SYT17: variants seen among roughly 807,000 people sequenced by gnomAD.
SYT17 encodes synaptotagmin-17.
Under a neutral mutation model 46.7 loss-of-function variants are expected in SYT17, and 22 were observed. That is an observed-to-expected ratio of 0.47 (90% confidence interval 0.34 to 0.67). The LOEUF (loss-of-function observed/expected upper bound fraction) is 0.67. SYT17 is among the 30% of genes least tolerant of loss of function. SYT17 has a pLI of 0.01. For missense variants in SYT17, 519 were observed against 612.8 expected (o/e 0.85, Z 1.62); for synonymous variants, 251 against 248.4 (o/e 1.01, Z -0.10).
chr16:19,221,087 G>A (rs897966117), intron 5 of SYT17, among the ~76,000 whole-genome samples: 5 of 150,234 alleles, frequency 3.3e-5, no homozygotes, highest in Admixed American at 6.7e-5. Context: ...TATTCAGGAT[G>A]TTAAGGTAGT....
intron 7 of SYT17, among the ~76,000 whole-genome samples, chr16:19,227,109 G>T (rs923465271): frequency 6.6e-6 from 1 of 152,104 alleles, no homozygotes; most frequent in Non-Finnish European, 1.5e-5. Context: ...CACTTCACAG[G>T]ATTGTTATTT....
intron 3 of SYT17, among the ~76,000 whole-genome samples, chr16:19,178,801 G>A (rs1190661988): frequency 2.6e-5 from 4 of 152,068 alleles, no homozygotes; most frequent in South Asian, 4.1e-4. Context: ...GTCTCAAAAC[G>A]ACGTCACCAG....
rs1234549343 is a variant in SYT17, at chr16:19,268,093, C to G, written c.*1017C>G. Reference sequence around the variant, plus strand: ...GATTAAAATGGCTATCACACCCCATCCATGATGATCTTCTTCCTTAATCAT... The same window carrying G: ...GATTAAAATGGCTATCACACCCCATGCATGATGATCTTCTTCCTTAATCAT... On this transcript the variant is annotated 3_prime_UTR_variant, in exon 8 of 8. Transcript: ENST00000355377. 1.3e-5 allele frequency: 2 copies of G among 152,146 alleles called. No individual in the cohort carries two copies. The highest frequency in any genetic ancestry group is 4.8e-5 in the African/African-American group (2 of 41,430). The allele number at this position is 152,146 out of a possible 1,614,324, so 9.4% of individuals were successfully genotyped here.
intron 7 of SYT17, among the ~76,000 whole-genome samples, chr16:19,261,373 G>T (rs1440015050): frequency 6.6e-6 from 1 of 152,224 alleles, no homozygotes; most frequent in Non-Finnish European, 1.5e-5. Flanking sequence ...GGCCATGGCA[G>T]GAACTGCCTC....
chr16:19,256,570 A>G (rs1968587238), intron 7 of SYT17, among the ~76,000 whole-genome samples: 1 of 37,334 alleles, frequency 2.7e-5, no homozygotes, highest in South Asian at 1.6e-3. Context: ...TATTATTATT[A>G]TTATTATTAT....
intron 4 of SYT17, among the ~76,000 whole-genome samples, chr16:19,182,662 T>TC (rs1964604262): frequency 6.6e-6 from 1 of 152,148 alleles, no homozygotes; most frequent in Non-Finnish European, 1.5e-5. Context: ...AAGACAACTG[T>TC]TTGGGCAATT....
At chr16:19,264,758 A>AT (rs1321637614) in intron 7 of SYT17, among the ~76,000 whole-genome samples, 2 of 151,916 alleles carry the variant, frequency 1.3e-5, no homozygotes, top group Admixed American at 6.6e-5. Context: ...TGTCTGGCTG[A>AT]TTTTTTGTAT....
Position 19,172,940 on chromosome 16 carries a change from GTT to G in SYT17, c.33+166_33+167del. ...TCCTTTCTACCGAAAGGAGATCCCGGTTTTGAAAAGACACCAGTTGACAAGAC... is the reference window on the plus strand; with the variant it reads ...TCCTTTCTACCGAAAGGAGATCCCGGTTGAAAAGACACCAGTTGACAAGAC... On this transcript the variant is annotated intron_variant, in intron 2 of 7. Transcript: ENST00000355377. 6 of 849,900 alleles carry G rather than the reference GTT, an allele frequency of 7.1e-6. No homozygotes were observed. In the South Asian group the frequency reaches 1.2e-4, roughly 16 times the overall value. The allele number at this position is 849,900 out of a possible 1,614,324, so 52.6% of individuals were successfully genotyped here.
rs150717989 is a variant in SYT17 at position 19,178,770 on chromosome 16, G to A, written c.183-1621G>A. Among the ~76,000 whole-genome samples the A allele has an allele frequency of 8.1e-4, 123 of 152,236 alleles. 1 individual carries two copies. The highest frequency in any genetic ancestry group is 1.1e-3 in the Non-Finnish European group (77 of 68,022). On this transcript the variant is annotated intron_variant, in intron 3 of 7. Coordinates refer to ENST00000355377, the MANE Select transcript of SYT17 (RefSeq NM_016524.4). ...AAATCTACAGCCATTATGGCTTAGG[G>A]GCATGTTATTAGCAGCATCAGTCTC... is the stretch of plus-strand genomic sequence containing the variant.
chr16:19,223,232 G>C (rs544209325), intron 6 of SYT17, 67 bp downstream of exon 6: 1 of 1,578,032 alleles, frequency 6.3e-7, no homozygotes, highest in Non-Finnish European at 8.6e-7. Context: ...GGAGAACCCA[G>C]TTTTCTTTTT....
intron 7 of SYT17, among the ~76,000 whole-genome samples, chr16:19,227,307 T>C (rs1212434371): frequency 6.8e-6 from 1 of 146,768 alleles, no homozygotes; most frequent in Non-Finnish European, 1.5e-5. Flanking sequence ...TTTCTTGCTG[T>C]GTAATCCTTC....
At chr16:19,204,635 A>T (rs1451077514) in intron 5 of SYT17, among the ~76,000 whole-genome samples, 1 of 152,008 alleles carries the variant, frequency 6.6e-6, no homozygotes, top group East Asian at 1.9e-4. Flanking sequence ...ATCTCATCTG[A>T]TGCCGTGGCT....
intron 7 of SYT17, among the ~76,000 whole-genome samples, chr16:19,250,339 A>G (rs1263895599): frequency 6.7e-6 from 1 of 148,514 alleles, no homozygotes. Context: ...GGTAATTTCA[A>G]AAAGATGTCT....
chr16:19,194,297 C>T (rs1340388589), intron 5 of SYT17, among the ~76,000 whole-genome samples: 1 of 152,160 alleles, frequency 6.6e-6, no homozygotes, highest in Non-Finnish European at 1.5e-5. Context: ...AGCCAATGCT[C>T]CCTCTCCCCT....
intron 5 of SYT17, among the ~76,000 whole-genome samples, chr16:19,214,329 C>CA (rs1228769845): frequency 6.6e-6 from 1 of 151,970 alleles, no homozygotes; most frequent in Non-Finnish European, 1.5e-5. Flanking sequence ...TCCTGGTCAG[C>CA]TTTTTTTGTT....
intron 5 of SYT17, among the ~76,000 whole-genome samples, chr16:19,197,530 C>G (rs1596933850): frequency 1.3e-5 from 2 of 152,098 alleles, no homozygotes; most frequent in Middle Eastern, 6.8e-3. Context: ...TTCACTGCAG[C>G]TTCTACCTCC....
At chr16:19,233,455 C>T (rs1966777272) in intron 7 of SYT17, among the ~76,000 whole-genome samples, 1 of 151,030 alleles carries the variant, frequency 6.6e-6, no homozygotes, top group South Asian at 2.1e-4. Context: ...AGATCGAGAG[C>T]AGCCTGGGCA....
chr16:19,211,018 G>T (rs1596958333), intron 5 of SYT17: 1 of 164,556 alleles, frequency 6.1e-6, no homozygotes, highest in Non-Finnish European at 1.3e-5. Context: ...TGCCGGGAGA[G>T]AGAATTTTTG....
chr16:19,224,217 G>A (rs1966421243), intron 6 of SYT17, among the ~76,000 whole-genome samples: 1 of 152,182 alleles, frequency 6.6e-6, no homozygotes, highest in East Asian at 1.9e-4. Context: ...GTCTGGTTCT[G>A]TGTCCACCAG....
Sources: gnomAD v4.1 joint callset for allele counts (sites outside exome capture counted in the v4.1 genomes callset) on GRCh38, gnomAD v4.1.1 for gene constraint, MANE v1.5 for transcripts, NCBI Gene and HGNC (gene_info 2026-07-23, HGNC 2026-07-21) for gene names.